The following PIK3C2G variants were observed in gnomAD, a reference collection of about 807,000 sequenced individuals.
PIK3C2G encodes the protein phosphatidylinositol 3-kinase C2 domain-containing subunit gamma.
Under a neutral mutation model 181.1 loss-of-function variants are expected in PIK3C2G, and 168 were observed. The ratio of observed to expected loss-of-function variants is 0.93; its 90% CI spans 0.82 to 1.05. PIK3C2G has a LOEUF of 1.05. Ranked by LOEUF, PIK3C2G falls within the 50% of genes least tolerant of loss-of-function variation. The pLI, the probability that PIK3C2G is intolerant of heterozygous loss-of-function variation, is 0.00. For missense variants in PIK3C2G, 1,869 were observed against 1,732.8 expected, an observed-to-expected ratio of 1.08 and a Z score of -1.40; for synonymous variants, 573 against 592.2, an observed-to-expected ratio of 0.97 and a Z score of 0.47.
chr12:18,657,846 A>T, the PIK3C2G span, among the ~76,000 whole-genome samples: 2 of 152,154 alleles, frequency 1.3e-5, no homozygotes, highest in Non-Finnish European at 2.9e-5. Flanking sequence ...AATAGAAATT[A>T]TCCCTAAGGA....
chr12:18,331,137 C>T (rs191373872), intron 8 of PIK3C2G, among the ~76,000 whole-genome samples: 16 of 152,034 alleles, frequency 1.1e-4, no homozygotes, highest in African/African-American at 2.2e-4. Flanking sequence ...AATTACCATA[C>T]GTTCATGGAA....
chr12:18,247,552 G>T (rs541013461), upstream of PIK3C2G: 1 of 152,342 alleles, frequency 6.6e-6, no homozygotes, highest in African/African-American at 2.4e-5. Context: ...TCTGAGGTTT[G>T]AGGAGGTGGT....
chr12:18,396,831 G>A (rs1419264744), intron 15 of PIK3C2G, among the ~76,000 whole-genome samples: 1 of 151,538 alleles, frequency 6.6e-6, no homozygotes, highest in African/African-American at 2.4e-5. Flanking sequence ...GATTCCTGTG[G>A]TTAAGATGAT....
intron 24 of PIK3C2G, among the ~76,000 whole-genome samples, chr12:18,517,764 C>T (rs1265612187): frequency 6.6e-6 from 1 of 152,112 alleles, no homozygotes; most frequent in East Asian, 1.9e-4. Flanking sequence ...ACTTCCAATA[C>T]TATGTTGAAT....
At chr12:18,365,289 C>T (rs993109568) in intron 12 of PIK3C2G, among the ~76,000 whole-genome samples, 1 of 152,164 alleles carries the variant, frequency 6.6e-6, no homozygotes, top group African/African-American at 2.4e-5. Context: ...AAATAACAAC[C>T]TCTATTCTGC....
chr12:18,490,320 A>G (rs1940440167), intron 19 of PIK3C2G, among the ~76,000 whole-genome samples: 1 of 151,998 alleles, frequency 6.6e-6, no homozygotes, highest in Non-Finnish European at 1.5e-5. Context: ...AAGGTAAGAA[A>G]CTCTTGAGAG....
At chr12:18,361,071 T>G (rs1436456215) in intron 11 of PIK3C2G, among the ~76,000 whole-genome samples, 1 of 152,006 alleles carries the variant, frequency 6.6e-6, no homozygotes. Context: ...CAGTTCATTG[T>G]GGGGTTTTTG....
the PIK3C2G span, among the ~76,000 whole-genome samples, chr12:18,676,478 C>T: frequency 6.6e-6 from 1 of 152,060 alleles, no homozygotes; most frequent in African/African-American, 2.4e-5. Context: ...GCTAGTATCC[C>T]ATTGAGTACT....
chr12:18,678,835 T>C, the PIK3C2G span, among the ~76,000 whole-genome samples: 1 of 152,076 alleles, frequency 6.6e-6, no homozygotes, highest in Non-Finnish European at 1.5e-5. Flanking sequence ...ACATGTGTTT[T>C]CATTTCCCTT....
intron 16 of PIK3C2G, among the ~76,000 whole-genome samples, chr12:18,402,833 T>C (rs1944326088): frequency 6.6e-6 from 1 of 152,180 alleles, no homozygotes; most frequent in Non-Finnish European, 1.5e-5. Flanking sequence ...TTCAATGTTT[T>C]ATGTGTCCAG....
At chr12:18,528,666 A>G (rs1216150366) in intron 24 of PIK3C2G, among the ~76,000 whole-genome samples, 1 of 152,176 alleles carries the variant, frequency 6.6e-6, no homozygotes, top group Non-Finnish European at 1.5e-5. Context: ...TTCTACTATC[A>G]CGAATTATTG....
the PIK3C2G span, chr12:18,693,527 G>A: frequency 3.0e-5 from 49 of 1,611,790 alleles, no homozygotes; most frequent in Non-Finnish European, 4.2e-5. Context: ...CTTGAGAGTG[G>A]TTGGCTCTGA....
intron 1 of PIK3C2G, among the ~76,000 whole-genome samples, chr12:18,273,986 G>T (rs1948862970): frequency 6.6e-6 from 1 of 152,050 alleles, no homozygotes; most frequent in East Asian, 1.9e-4. Flanking sequence ...CAAAAAGTGG[G>T]TGAAGGATAT....
intron 19 of PIK3C2G, among the ~76,000 whole-genome samples, chr12:18,490,230 T>C (rs1289856060): frequency 1.3e-5 from 2 of 152,228 alleles, no homozygotes; most frequent in African/African-American, 4.8e-5. Flanking sequence ...AGGGCTGTAA[T>C]GCAACTTTTC....
chr12:18,353,316 G>GA (rs1228037900), intron 11 of PIK3C2G, among the ~76,000 whole-genome samples: 2 of 149,728 alleles, frequency 1.3e-5, no homozygotes, highest in African/African-American at 2.5e-5. Context: ...GGCACATGAG[G>GA]AAAAAAAAAG....
chr12:18,478,984 A>AT lies in PIK3C2G; in HGVS notation c.2505-9465_2505-9464insT, dbSNP rs1489787355. Among the ~76,000 whole-genome samples, 192 of 147,874 alleles carry AT rather than the reference A, an allele frequency of 1.3e-3. 1 individual carries two copies. The highest frequency in any genetic ancestry group is 2.1e-3 in the South Asian group (10 of 4,746). On this transcript the variant is annotated intron_variant, in intron 18 of 32. Transcript: ENST00000538779. ...AGTGAGATCCTGTCTCAAAAAAAAA[A>AT]AAATATATATATATATGTATATATA... is the stretch of plus-strand genomic sequence containing the variant.
At chr12:18,427,710 T>C (rs1945914251) in intron 18 of PIK3C2G, among the ~76,000 whole-genome samples, 1 of 151,982 alleles carries the variant, frequency 6.6e-6, no homozygotes, top group Admixed American at 6.6e-5. Context: ...CAAATTCATG[T>C]AAACACAATT....
intron 18 of PIK3C2G, among the ~76,000 whole-genome samples, chr12:18,436,515 C>A (rs1946456322): frequency 6.6e-6 from 1 of 151,964 alleles, no homozygotes; most frequent in Non-Finnish European, 1.5e-5. Flanking sequence ...CCCTATGTTT[C>A]TCTTCTGCAC....
chr12:18,515,882 A>G (rs1942504032), intron 24 of PIK3C2G, among the ~76,000 whole-genome samples: 1 of 151,968 alleles, frequency 6.6e-6, no homozygotes, highest in Non-Finnish European at 1.5e-5. Flanking sequence ...TGCTTTTGCT[A>G]TATCCCACAG....
Sources: allele counts gnomAD v4.1 joint callset (sites outside exome capture counted in the v4.1 genomes callset), GRCh38; gene constraint gnomAD v4.1.1; transcripts MANE v1.5; gene names NCBI Gene and HGNC (gene_info 2026-07-23, HGNC 2026-07-21).